The following SEMA6D variants were observed in gnomAD, a reference collection of about 807,000 sequenced individuals.
SEMA6D encodes the protein semaphorin 6D, also known as semaphorin-6D.
Under a neutral mutation model 106.6 loss-of-function variants are expected in SEMA6D, and 35 were observed. That is an observed-to-expected ratio of 0.33 (90% CI 0.25 to 0.44). The LOEUF is 0.44. Among genes scored for constraint, SEMA6D ranks in the 20% least tolerant of loss-of-function variants. The probability of loss-of-function intolerance (pLI) is 1.00; values close to 1 mark genes in which losing one functional copy is unlikely to be tolerated. For synonymous variants in SEMA6D, 499 were observed against 487.7 expected, an observed-to-expected ratio of 1.02 and a Z score of -0.31; for missense variants, 1,185 against 1,345.9, an observed-to-expected ratio of 0.88 and a Z score of 1.87.
chr15:47,535,100 C>A (rs1341345463), intron 3 of SEMA6D, among the ~76,000 whole-genome samples: 17 of 147,520 alleles, frequency 1.2e-4, no homozygotes, highest in South Asian at 8.7e-4. Context: ...AACACACACA[C>A]AAAAAAACAC....
At chr15:47,460,076 A>G (rs1387989090) in intron 2 of SEMA6D, among the ~76,000 whole-genome samples, 1 of 152,074 alleles carries the variant, frequency 6.6e-6, no homozygotes, top group Non-Finnish European at 1.5e-5. Flanking sequence ...TTATTAAGGC[A>G]TAGCTAGGTG....
intron 2 of SEMA6D, among the ~76,000 whole-genome samples, chr15:47,447,793 A>C (rs933089229): frequency 6.6e-6 from 1 of 152,158 alleles, no homozygotes; most frequent in African/African-American, 2.4e-5. Flanking sequence ...TGTGATCTGC[A>C]TAGACGTGGT....
intron 1 of SEMA6D, among the ~76,000 whole-genome samples, chr15:47,382,406 C>T (rs1392232484): frequency 6.6e-6 from 1 of 152,048 alleles, no homozygotes; most frequent in African/African-American, 2.4e-5. Context: ...GCTACTGCTG[C>T]TGAGGCAGCA....
chr15:47,352,766 T>C (rs665751), intron 1 of SEMA6D, among the ~76,000 whole-genome samples: 71,035 of 152,032 alleles, frequency 0.47, 19,717 homozygotes, highest in South Asian at 0.61. Flanking sequence ...GAATAGTATA[T>C]ACTGCAAGAC....
intron 2 of SEMA6D, among the ~76,000 whole-genome samples, chr15:47,416,980 A>G (rs2040988027): frequency 6.6e-6 from 1 of 152,104 alleles, no homozygotes; most frequent in African/African-American, 2.4e-5. Flanking sequence ...TTTATTTTCA[A>G]GTTTTGCATC....
intron 1 of SEMA6D, among the ~76,000 whole-genome samples, chr15:47,731,913 AT>A (rs2080152956): frequency 6.6e-6 from 1 of 152,188 alleles, no homozygotes; most frequent in African/African-American, 2.4e-5. Flanking sequence ...CCCTATAGAG[AT>A]TTTAAATGAT....
chr15:47,455,121 C>G (rs2042309023), intron 2 of SEMA6D, among the ~76,000 whole-genome samples: 1 of 151,610 alleles, frequency 6.6e-6, no homozygotes, highest in Non-Finnish European at 1.5e-5. Flanking sequence ...CACAGACACT[C>G]TAGTTGGAAC....
At chr15:47,563,786 A>G (rs1205653028) in intron 3 of SEMA6D, among the ~76,000 whole-genome samples, 2 of 152,238 alleles carry the variant, frequency 1.3e-5, no homozygotes, top group African/African-American at 4.8e-5. Context: ...TACTTACAAA[A>G]TTAATAAAAG....
exon 1 of SEMA6D, chr15:47,184,303 G>T (rs1342457706): frequency 6.6e-6 from 1 of 152,562 alleles, no homozygotes; most frequent in Non-Finnish European, 1.5e-5. Flanking sequence ...GGAGTTTCCA[G>T]TCCTCGATAA....
At chr15:47,715,606 A>G (rs2146151475), upstream of SEMA6D, among the ~76,000 whole-genome samples, 1 of 152,284 alleles carries the variant, frequency 6.6e-6, no homozygotes, top group Non-Finnish European at 1.5e-5. Context: ...GACTGAAAAC[A>G]CGGCTAATCC....
At chr15:47,745,730 A>T (rs1319901903) in intron 1 of SEMA6D, among the ~76,000 whole-genome samples, 2 of 152,238 alleles carry the variant, frequency 1.3e-5, no homozygotes, top group Non-Finnish European at 2.9e-5. Flanking sequence ...GCTTTGCAGG[A>T]CTTAAAATTC....
intron 1 of SEMA6D, among the ~76,000 whole-genome samples, chr15:47,249,349 A>T (rs1005246373): frequency 2.0e-5 from 3 of 152,152 alleles, no homozygotes; most frequent in Non-Finnish European, 2.9e-5. Flanking sequence ...TTGCACTCTT[A>T]TTAAATATTC....
chr15:47,747,490 C>G (rs937291683), intron 1 of SEMA6D, among the ~76,000 whole-genome samples: 2 of 152,136 alleles, frequency 1.3e-5, no homozygotes, highest in Admixed American at 6.5e-5. Flanking sequence ...AAAGTGAAAA[C>G]CTTGCATAAG....
At chr15:47,215,089 G>A (rs1427662411) in intron 1 of SEMA6D, among the ~76,000 whole-genome samples, 9 of 90,784 alleles carry the variant, frequency 9.9e-5, no homozygotes. Flanking sequence ...CACTTATTTT[G>A]AGGCTAATTA....
chr15:47,413,548 A>T (rs539432467), intron 2 of SEMA6D, among the ~76,000 whole-genome samples: 1 of 152,158 alleles, frequency 6.6e-6, no homozygotes, highest in Non-Finnish European at 1.5e-5. Flanking sequence ...CAGAGGCACA[A>T]TTACAGCTCA....
intron 1 of SEMA6D, among the ~76,000 whole-genome samples, chr15:47,234,158 A>G (rs931807015): frequency 6.6e-6 from 1 of 152,030 alleles, no homozygotes. Context: ...TATTTCTGGG[A>G]TCTCAGCAGT....
intron 1 of SEMA6D, among the ~76,000 whole-genome samples, chr15:47,256,301 G>T (rs994316996): frequency 3.3e-5 from 5 of 152,166 alleles, no homozygotes; most frequent in Admixed American, 1.3e-4. Context: ...AACTTAGGGA[G>T]TATGGACATA....
chr15:47,299,047 G>A (rs977281868), intron 1 of SEMA6D, among the ~76,000 whole-genome samples: 5 of 152,082 alleles, frequency 3.3e-5, no homozygotes, highest in Admixed American at 2.6e-4. Flanking sequence ...AAAGAAGTCC[G>A]GAGAAGAGAC....
At chr15:47,191,512 G>T (rs1392083607) in intron 1 of SEMA6D, among the ~76,000 whole-genome samples, 1 of 151,962 alleles carries the variant, frequency 6.6e-6, no homozygotes, top group East Asian at 1.9e-4. Context: ...TGCTGATAAA[G>T]GTTTATAAGG....
Sources: gnomAD v4.1 joint callset for allele counts (sites outside exome capture counted in the v4.1 genomes callset) on GRCh38, gnomAD v4.1.1 for gene constraint, MANE v1.5 for transcripts, NCBI Gene and HGNC (gene_info 2026-07-23, HGNC 2026-07-21) for gene names.